The following POM121 variants were observed in gnomAD, a reference collection of about 807,000 sequenced individuals.
The protein encoded by POM121 is nuclear envelope pore membrane protein POM 121.
POM121 carries 32 observed loss-of-function variants against 81.3 expected under a neutral mutation model. The observed-to-expected ratio is 0.39, with a 90% CI of 0.30 to 0.53. The LOEUF is 0.53. POM121 is among the 20% of genes least tolerant of loss of function. The pLI is 0.66. For synonymous variants in POM121, 514 were observed against 694.2 expected (o/e 0.74, Z 4.08); for missense variants, 1,138 against 1,614.6 (o/e 0.70, Z 5.06).
At chr7:72,934,455 T>C (rs1338106181) in intron 5 of POM121, among the ~76,000 whole-genome samples, 1 of 152,230 alleles carries the variant, frequency 6.6e-6, no homozygotes, top group African/African-American at 2.4e-5. Flanking sequence ...CTGTCTGTCA[T>C]GTATGTGTTG....
At chr7:72,926,101 A>G (rs1352895842) in intron 1 of POM121, among the ~76,000 whole-genome samples, 161 bp from the exon 2 acceptor site, 1 of 152,190 alleles carries the variant, frequency 6.6e-6, no homozygotes, top group African/African-American at 2.4e-5. Context: ...CTGGCCTTAG[A>G]TGGAATAAGG....
intron 4 of POM121, among the ~76,000 whole-genome samples, chr7:72,915,746 C>G (rs1586125046): frequency 1.3e-5 from 2 of 152,196 alleles, no homozygotes; most frequent in Non-Finnish European, 2.9e-5. Flanking sequence ...GATCCAGGCT[C>G]ACTGCAACCT....
At chr7:72,911,377 T>C (rs1321238693) in intron 3 of POM121, among the ~76,000 whole-genome samples, 1 of 152,216 alleles carries the variant, frequency 6.6e-6, no homozygotes, top group African/African-American at 2.4e-5. Context: ...GGAAACAACA[T>C]TTGGCATTGA....
At chr7:72,881,831 A>G (rs1409910431) in intron 1 of POM121, among the ~76,000 whole-genome samples, 9 of 152,110 alleles carry the variant, frequency 5.9e-5, no homozygotes, top group African/African-American at 2.2e-4. Context: ...GGGTTTCACT[A>G]TGTTGGCCAG....
At chr7:72,916,654 T>G (rs570736359) in intron 4 of POM121, among the ~76,000 whole-genome samples, 1 of 152,326 alleles carries the variant, frequency 6.6e-6, no homozygotes, top group Non-Finnish European at 1.5e-5. Flanking sequence ...TACAGGCTCG[T>G]TTTTGGTTCC....
rs1331210136 is a variant in POM121, at chr7:72,946,521, G to A, written c.*287G>A. ...AAGGAAACACCTGTACATAGTGTCC[G>A]CTGCCCTGACTCCCGCTTAGCACAC... On this transcript the variant is annotated 3_prime_UTR_variant, in exon 13 of 13. Transcript: ENST00000434423. 9.2e-5 allele frequency: 111 copies of A among 1,206,958 alleles called. No individual in the cohort carries two copies. The highest frequency in any genetic ancestry group is 1.1e-4 in the Non-Finnish European group (107 of 967,160). The allele number at this position is 1,206,958 out of a possible 1,614,324, so 74.8% of individuals were successfully genotyped here. A position where few individuals can be genotyped will look rare whatever the true frequency, so the allele number is the denominator to read the frequency against.
At chr7:72,913,544 G>A (rs1342165251) in intron 3 of POM121, among the ~76,000 whole-genome samples, 27 of 152,150 alleles carry the variant, frequency 1.8e-4, no homozygotes, top group Non-Finnish European at 3.8e-4. Flanking sequence ...TCTAGCCTCC[G>A]TGTTCCTGGG....
chr7:72,902,494 T>A (rs1212418562), intron 3 of POM121, among the ~76,000 whole-genome samples: 3 of 151,972 alleles, frequency 2.0e-5, no homozygotes, highest in South Asian at 2.1e-4. Flanking sequence ...TTTCCTTTTT[T>A]ATTTTTTTCT....
chr7:72,934,987 G>GT (rs1796375298), intron 5 of POM121, among the ~76,000 whole-genome samples: 1 of 149,670 alleles, frequency 6.7e-6, no homozygotes, highest in South Asian at 2.1e-4. Flanking sequence ...GGACTGTCTT[G>GT]TATCTTGGCC....
intron 1 of POM121, among the ~76,000 whole-genome samples, chr7:72,883,425 A>T (rs1326308516): frequency 9.2e-5 from 14 of 152,188 alleles, no homozygotes; most frequent in African/African-American, 3.4e-4. Context: ...AAGTGGTAGG[A>T]TTACAGGTGT....
At chr7:72,923,589 A>ATTTTTTT (rs1187827150), upstream of POM121, among the ~76,000 whole-genome samples, 2 of 88,754 alleles carry the variant, frequency 2.3e-5, no homozygotes, top group African/African-American at 6.0e-5. Context: ...CGCCCGGCTA[A>ATTTTTTT]TTTTTTTTTT....
chr7:72,920,890 TAA>T (rs1554495917), upstream of POM121, among the ~76,000 whole-genome samples: 5 of 152,026 alleles, frequency 3.3e-5, no homozygotes, highest in Non-Finnish European at 7.4e-5. Flanking sequence ...CTACAAAAAT[TAA>T]AGAGGCTGGG....
At chr7:72,933,330 A>T (rs1796205872) in intron 5 of POM121, among the ~76,000 whole-genome samples, 1 of 152,116 alleles carries the variant, frequency 6.6e-6, no homozygotes, top group Non-Finnish European at 1.5e-5. Flanking sequence ...TCCAGCCTGG[A>T]CGACAGAGTG....
intron 2 of POM121, 75 bp from the exon 3 acceptor site, chr7:72,926,727 C>T: frequency 6.4e-7 from 1 of 1,557,050 alleles, no homozygotes; most frequent in Non-Finnish European, 8.7e-7. Flanking sequence ...CTTCTGATTT[C>T]TTGTTTCTGA....
At position 72,942,993 on chromosome 7, in the gene POM121, T is replaced by G; in HGVS notation, c.3000T>G (p.Ser1000=). 2 of 1,612,902 alleles carry G rather than the reference T, an allele frequency of 1.2e-6. No individual in the cohort carries two copies. Among genetic ancestry groups the G allele is most frequent in the Non-Finnish European group, 8.5e-7 (1 of 1,179,560 alleles). ...GCAGCTCTTTCACTTTTGGAAACTC[T>G]GCAGCCCCGGCTGCTGCACCCACAC... The part of the protein sequence containing the change: ...SFGSSFTFGN[S]AAPAAAPTPA... Residue 1000 remains serine (S), a synonymous_variant, in exon 11 of 13, where the codon TCT becomes TCG. Transcript: ENST00000434423.
At chr7:72,933,866 T>C (rs1796257701) in intron 5 of POM121, among the ~76,000 whole-genome samples, 1 of 152,172 alleles carries the variant, frequency 6.6e-6, no homozygotes, top group Non-Finnish European at 1.5e-5. Context: ...GAATATACTA[T>C]GTAACTATGA....
intron 5 of POM121, among the ~76,000 whole-genome samples, chr7:72,936,358 G>A (rs111719793): frequency 1.3e-4 from 20 of 149,670 alleles, no homozygotes; most frequent in Admixed American, 6.7e-4. Context: ...TTTTTGAGAC[G>A]GAGTCTTGCT....
rs1361255714 is a variant in POM121, at chr7:72,940,371, GT to G, written c.1564-37del. The stretch of plus-strand genomic sequence containing the variant: ...GTGAGCCACCATGCCTAGCCTTCCC[GT>G]TTTTTCTGATTGGCCTGACTTCTTC... On this transcript the variant is annotated intron_variant, in intron 8 of 12. Coordinates refer to ENST00000434423, the MANE Select transcript of POM121 (RefSeq NM_001387691.1). 2.2e-4 allele frequency: 124 copies of G among 551,296 alleles called. No individual in the cohort carries two copies. In the East Asian group the frequency reaches 3.8e-3, roughly 17 times the overall value. The allele number at this position is 551,296 out of a possible 1,614,324, so 34.2% of individuals were successfully genotyped here.
chr7:72,932,672 G>A (rs1258723117), intron 5 of POM121, among the ~76,000 whole-genome samples: 8 of 152,160 alleles, frequency 5.3e-5, no homozygotes, highest in African/African-American at 1.9e-4. Context: ...TCCCCTCAGC[G>A]TTGTATGAGA....
Sources: allele counts gnomAD v4.1 joint callset (sites outside exome capture counted in the v4.1 genomes callset), GRCh38; gene constraint gnomAD v4.1.1; transcripts MANE v1.5; gene names NCBI Gene and HGNC (gene_info 2026-07-23, HGNC 2026-07-21).